Variants in MMP26 observed in about 807,000 individuals in gnomAD.
MMP26 encodes matrix metalloproteinase-26.
Under a neutral mutation model 31.0 loss-of-function variants are expected in MMP26, and 33 were observed. That is an observed-to-expected ratio of 1.06 (90% CI 0.81 to 1.42). The LOEUF is 1.42. Ranked by LOEUF, MMP26 falls within the 40% of genes most tolerant of loss-of-function variation. MMP26 has a pLI of 0.00. For synonymous variants in MMP26, 122 were observed against 114.9 expected, an observed-to-expected ratio of 1.06 and a Z score of -0.40; for missense variants, 347 against 316.1, an observed-to-expected ratio of 1.10 and a Z score of -0.74.
chr11:4,790,633 A>G (rs1849013355), intron 2 of MMP26, among the ~76,000 whole-genome samples: 1 of 152,184 alleles, frequency 6.6e-6, no homozygotes, highest in Non-Finnish European at 1.5e-5. Context: ...TATGAGCAAA[A>G]ATAGTAGGAA....
intron 2 of MMP26, chr11:4,924,053 A>G: frequency 1.2e-6 from 2 of 1,614,142 alleles, no homozygotes; most frequent in Non-Finnish European, 1.7e-6. Flanking sequence ...ACAGGCAGGG[A>G]TGCCAATCTC....
intron 2 of MMP26, among the ~76,000 whole-genome samples, chr11:4,965,492 CT>C (rs1442634179): frequency 5.3e-5 from 8 of 152,106 alleles, no homozygotes; most frequent in African/African-American, 1.9e-4. Context: ...GATAAATTAA[CT>C]TTTTCCTTTC....
chr11:4,936,880 A>G (rs1359443279), intron 2 of MMP26, among the ~76,000 whole-genome samples: 2 of 152,206 alleles, frequency 1.3e-5, no homozygotes, highest in Non-Finnish European at 1.5e-5. Flanking sequence ...CCATCCAAAT[A>G]TGCAGTTAAT....
At chr11:4,781,631 A>T (rs994291880) in intron 2 of MMP26, among the ~76,000 whole-genome samples, 2 of 146,554 alleles carry the variant, frequency 1.4e-5, no homozygotes, top group Non-Finnish European at 3.0e-5. Flanking sequence ...CAAGTATTAA[A>T]CTATAATTTT....
At chr11:4,912,907 G>A (rs1654948248) in intron 2 of MMP26, 1 of 151,556 alleles carries the variant, frequency 6.6e-6, no homozygotes, top group Non-Finnish European at 1.5e-5. Context: ...CTATCATGTT[G>A]TCTAGCCTGG....
At chr11:4,881,177 A>C (rs1850456213) in intron 2 of MMP26, among the ~76,000 whole-genome samples, 1 of 152,136 alleles carries the variant, frequency 6.6e-6, no homozygotes, top group African/African-American at 2.4e-5. Flanking sequence ...ACAGAGAGAA[A>C]GCCCTCTGCT....
At chr11:4,764,092 GTC>G (rs1848599619) in intron 1 of MMP26, among the ~76,000 whole-genome samples, 1 of 152,056 alleles carries the variant, frequency 6.6e-6, no homozygotes, top group African/African-American at 2.4e-5. Flanking sequence ...GTCTCATTCT[GTC>G]TCTGTTGACC....
chr11:4,708,038 T>G (rs1406662320), intron 1 of MMP26, among the ~76,000 whole-genome samples: 1 of 152,218 alleles, frequency 6.6e-6, no homozygotes, highest in Non-Finnish European at 1.5e-5. Context: ...TATTTTTCAC[T>G]GATCCTGTGA....
chr11:4,991,349 T>A, intron 5 of MMP26, 22 bp from the exon 6 acceptor site: 1 of 1,607,556 alleles, frequency 6.2e-7, no homozygotes, highest in Non-Finnish European at 8.5e-7. Flanking sequence ...CTCATTGTGA[T>A]CATAGCTTCT....
At chr11:4,783,931 A>T (rs908461272) in intron 2 of MMP26, among the ~76,000 whole-genome samples, 4 of 152,182 alleles carry the variant, frequency 2.6e-5, no homozygotes, top group African/African-American at 9.7e-5. Context: ...CTTTAAGTCC[A>T]GTTAAACCTC....
chr11:4,987,578 C>G (rs1033787453), intron 2 of MMP26, among the ~76,000 whole-genome samples: 11 of 151,996 alleles, frequency 7.2e-5, no homozygotes, highest in African/African-American at 2.7e-4. Flanking sequence ...ACCACCACAC[C>G]CGGCTAATTT....
chr11:4,877,069 G>A (rs1373787615), intron 2 of MMP26: 1 of 152,438 alleles, frequency 6.6e-6, no homozygotes, highest in African/African-American at 2.4e-5. Context: ...TTACCTTTCT[G>A]TCACTCCAAT....
intron 1 of MMP26, among the ~76,000 whole-genome samples, chr11:4,720,801 C>T (rs1160054474): frequency 6.6e-6 from 1 of 152,196 alleles, no homozygotes; most frequent in Non-Finnish European, 1.5e-5. Flanking sequence ...GACTTCCCCG[C>T]TCGCTATAGC....
At chr11:4,961,105 A>C (rs1846514709) in intron 2 of MMP26, among the ~76,000 whole-genome samples, 1 of 152,228 alleles carries the variant, frequency 6.6e-6, no homozygotes, top group African/African-American at 2.4e-5. Context: ...AGTCACCTAA[A>C]GAGCCGAGAT....
At chr11:4,804,131 T>A in intron 2 of MMP26, 1 of 1,613,846 alleles carries the variant, frequency 6.2e-7, no homozygotes, top group Non-Finnish European at 8.5e-7. Context: ...ATGGCCAACA[T>A]CTTAGGTTGA....
chr11:4,965,063 T>G (rs1424272949), intron 2 of MMP26, among the ~76,000 whole-genome samples: 1 of 152,194 alleles, frequency 6.6e-6, no homozygotes, highest in Non-Finnish European at 1.5e-5. Flanking sequence ...ATGCTGCACA[T>G]GTACCGCTGA....
At chr11:4,921,074 T>C (rs1484329724) in intron 2 of MMP26, among the ~76,000 whole-genome samples, 1 of 152,196 alleles carries the variant, frequency 6.6e-6, no homozygotes, top group Non-Finnish European at 1.5e-5. Context: ...CAATATCCCA[T>C]GAGCTGAGTA....
Position 4,991,400 on chromosome 11 carries a change from C to G in MMP26, c.499C>G (p.Pro167Ala). Residue 167 changes from proline to alanine, a missense_variant, in exon 6 of 8, where the codon CCA becomes GCA. By Grantham distance (27) the Pro-to-Ala change is conservative. Transcript: ENST00000380390. ...AHEDGWPFDG[P>A]GGILGHAFLP... ...TGAAGATGGTTGGCCCTTTGATGGG[C>G]CAGGTGGTATCTTAGGCCATGCCTT... 1 of 1,613,802 alleles carries G rather than the reference C, an allele frequency of 6.2e-7. No individual in the cohort carries two copies. The highest frequency in any genetic ancestry group is 8.5e-7 in the Non-Finnish European group (1 of 1,179,766).
At chr11:4,827,400 C>CTTT (rs1379074648) in intron 2 of MMP26, among the ~76,000 whole-genome samples, 2 of 151,908 alleles carry the variant, frequency 1.3e-5, no homozygotes, top group African/African-American at 4.8e-5. Flanking sequence ...AACTTGTTTC[C>CTTT]TTTTTTTAAA....
Sources: gnomAD v4.1 joint callset for allele counts (sites outside exome capture counted in the v4.1 genomes callset) on GRCh38, gnomAD v4.1.1 for gene constraint, MANE v1.5 for transcripts, NCBI Gene and HGNC (gene_info 2026-07-23, HGNC 2026-07-21) for gene names.